TMC3: variants seen among roughly 807,000 people sequenced by gnomAD.
TMC3 encodes the protein transmembrane channel-like protein 3.
In TMC3, 98 loss-of-function variants were observed where a neutral mutation model predicts 110.6. The ratio of observed to expected loss-of-function variants is 0.89; its 90% confidence interval spans 0.75 to 1.05. The LOEUF (loss-of-function observed/expected upper bound fraction) is 1.05. Ranked by LOEUF, TMC3 falls within the 50% of genes least tolerant of loss-of-function variation. TMC3 has a pLI of 0.00. For synonymous variants in TMC3, 489 were observed against 513.1 expected (o/e 0.95, Z 0.63); for missense variants, 1,319 against 1,373.2 (o/e 0.96, Z 0.62).
Position 81,356,593 on chromosome 15 carries a change from TC to T in TMC3, c.744del (p.Met249TrpfsTer44). ...AGACTCGTGCGGGAGTTCTTAGCCA[TC>T]CTGCAAAAGAGGAGCACAAACAGGT... ...FAYSFIILLK[K>X]MAKNSRTSLA... On this transcript the variant is annotated frameshift_variant and splice_region_variant, in exon 8 of 22. Transcript: ENST00000359440. LOFTEE classifies it high-confidence loss of function. 1 of 1,586,868 alleles carries T rather than the reference TC, an allele frequency of 6.3e-7. No homozygotes were observed. The highest frequency in any genetic ancestry group is 1.2e-5 in the South Asian group (1 of 86,320).
intron 2 of TMC3, 95 bp downstream of exon 2, chr15:81,372,496 C>T: frequency 6.7e-7 from 1 of 1,498,904 alleles, no homozygotes; most frequent in Non-Finnish European, 9.2e-7. Flanking sequence ...CCATCTCTCT[C>T]ACATGAGTCT....
chr15:81,373,141 T>C (rs1356624205), intron 1 of TMC3, among the ~76,000 whole-genome samples: 4 of 152,134 alleles, frequency 2.6e-5, no homozygotes, highest in African/African-American at 9.7e-5. Flanking sequence ...ATCAGCTAAT[T>C]TTAGAGGCAG....
intron 12 of TMC3, among the ~76,000 whole-genome samples, 167 bp from the exon 13 acceptor site, chr15:81,345,178 G>A (rs751102156): frequency 7.2e-5 from 11 of 152,146 alleles, no homozygotes; most frequent in Non-Finnish European, 1.3e-4. Context: ...ACTAGAGTTG[G>A]CCCCAATAAG....
intron 11 of TMC3, among the ~76,000 whole-genome samples, chr15:81,347,822 G>A (rs1226433082): frequency 6.6e-6 from 1 of 152,206 alleles, no homozygotes; most frequent in Non-Finnish European, 1.5e-5. Flanking sequence ...ATACTTGCTA[G>A]TGAGGAAGGA....
At chr15:81,365,684 AAG>A (rs200042482) in intron 3 of TMC3, among the ~76,000 whole-genome samples, 21,071 of 103,176 alleles carry the variant, frequency 0.2, 1,986 homozygotes, top group South Asian at 0.44. Flanking sequence ...AAAAAAAAAA[AAG>A]AAAAAGAAAA....
At chr15:81,333,976 G>A (rs1159609994) in intron 21 of TMC3, among the ~76,000 whole-genome samples, 1 of 151,218 alleles carries the variant, frequency 6.6e-6, no homozygotes, top group African/African-American at 2.4e-5. Flanking sequence ...GGTGACAAGA[G>A]CAAAACCCTA....
rs1411877339 is a variant in TMC3, at chr15:81,350,890, G to A, written c.1083+804C>T. The stretch of plus-strand genomic sequence containing the variant: ...CTATTTATGGGAATATTCACACAAC[G>A]GGGGTTGGGGGGGAGAAGATTGTTT... On this transcript the variant is annotated intron_variant, in intron 10 of 21. Transcript: ENST00000359440. Among the ~76,000 whole-genome samples, 4 of 152,180 alleles carry A rather than the reference G, an allele frequency of 2.6e-5. No homozygotes were observed. In the East Asian group the frequency reaches 5.8e-4, roughly 22 times the overall value.
rs974120392 is a variant in TMC3, at chr15:81,332,486, C to T, written c.3236G>A (p.Arg1079Lys). 1 of 1,613,006 alleles carries T rather than the reference C, an allele frequency of 6.2e-7. No homozygotes were observed. The highest frequency in any genetic ancestry group is 8.5e-7 in the Non-Finnish European group (1 of 1,179,586). The change falls in exon 22 of 22, where the codon AGG becomes AAG. Residue 1079 changes from arginine to lysine, a missense_variant. By Grantham distance (26) the Arg-to-Lys change is conservative. Transcript: ENST00000359440. ...RFPRSVGQPS[R>K]RKAKSGQELT... ...CTCCTGCCCCGACTTGGCCTTCCTCCTGCTGGGCTGGCCCACGGACCTCGG... is the reference window on the plus strand; with the variant it reads ...CTCCTGCCCCGACTTGGCCTTCCTCTTGCTGGGCTGGCCCACGGACCTCGG...
chr15:81,372,837 G>A, intron 1 of TMC3, 100 bp from the exon 2 acceptor site: 1 of 1,226,558 alleles, frequency 8.2e-7, no homozygotes, highest in Non-Finnish European at 1.1e-6. Flanking sequence ...CACTGCCCTA[G>A]GGTCATCTGT....
At chr15:81,346,747 C>T (rs1020508481) in intron 11 of TMC3, among the ~76,000 whole-genome samples, 1 of 152,082 alleles carries the variant, frequency 6.6e-6, no homozygotes, top group Non-Finnish European at 1.5e-5. Flanking sequence ...GAAGTGGGGC[C>T]CTAAAACGTG....
At position 81,353,117 on chromosome 15, in the gene TMC3, C is replaced by T. The variant is rs561123767; in HGVS notation, c.936-1276G>A. ...GATTACAGGTGTGTGCCACCACATC[C>T]GGCCTGGTCTTAGTTTTTAACAAAA... On this transcript the variant is annotated intron_variant, in intron 9 of 21. Transcript: ENST00000359440. Among the ~76,000 whole-genome samples the T allele has an allele frequency of 8.5e-5, 13 of 152,072 alleles. 1 individual carries two copies. The South Asian group carries it at 1.7e-3, about 19-fold the overall frequency.
intron 3 of TMC3, among the ~76,000 whole-genome samples, chr15:81,367,200 G>A (rs1894334238): frequency 2.0e-5 from 3 of 151,848 alleles, no homozygotes; most frequent in Admixed American, 6.6e-5. Context: ...ATCCACCAGC[G>A]GCCAAATGAC....
intron 9 of TMC3, among the ~76,000 whole-genome samples, chr15:81,352,518 T>G (rs957403426): frequency 2.6e-5 from 4 of 152,272 alleles, no homozygotes; most frequent in African/African-American, 9.6e-5. Flanking sequence ...ACATATTTGA[T>G]AATGAATTAA....
intron 7 of TMC3, 138 bp downstream of exon 7, chr15:81,358,011 A>G (rs929116294): frequency 7.1e-5 from 78 of 1,096,430 alleles, no homozygotes; most frequent in Non-Finnish European, 9.6e-5. Context: ...GACATTACAC[A>G]TATCATAACA....
Position 81,374,183 on chromosome 15 carries a change from T to C in TMC3, c.-106A>G, listed in dbSNP as rs1894498890. 1.0e-6 allele frequency: 1 copy of C among 952,718 alleles called. No individual in the cohort carries two copies. The highest frequency in any genetic ancestry group is 1.6e-6 in the Non-Finnish European group (1 of 609,512). 59.0% of individuals were successfully genotyped at this position (952,718 alleles called of 1,614,324 possible). A position where few individuals can be genotyped will look rare whatever the true frequency, so the allele number is the denominator to read the frequency against. ...TGAATGGAAGCAGCGGAGTTTGCTCTGCCCGCTAGTTCTCAGGAAGAAGAC... is the reference window on the plus strand; with the variant it reads ...TGAATGGAAGCAGCGGAGTTTGCTCCGCCCGCTAGTTCTCAGGAAGAAGAC... On this transcript the variant is annotated 5_prime_UTR_variant, in exon 1 of 22. Coordinates refer to ENST00000359440, the MANE Select transcript of TMC3 (RefSeq NM_001080532.3).
chr15:81,357,201 A>G (rs1242793601), intron 7 of TMC3, among the ~76,000 whole-genome samples: 1 of 152,036 alleles, frequency 6.6e-6, no homozygotes, highest in Non-Finnish European at 1.5e-5. Flanking sequence ...CGAGTCTTCC[A>G]TGTGGGTCCT....
rs893855728 is a variant in TMC3 at position 81,332,115 on chromosome 15, T to C, written c.*304A>G. 1 of 320,600 alleles carries C rather than the reference T, an allele frequency of 3.1e-6. No individual in the cohort carries two copies. Among genetic ancestry groups the C allele is most frequent in the African/African-American group, 2.1e-5 (1 of 46,802 alleles). 19.9% of individuals were successfully genotyped at this position (320,600 alleles called of 1,614,324 possible). On this transcript the variant is annotated 3_prime_UTR_variant, in exon 22 of 22. Coordinates refer to ENST00000359440, the MANE Select transcript of TMC3 (RefSeq NM_001080532.3). Reference sequence around the variant, plus strand: ...CTTGCCTCAGTCTCTCCTTCTGTCTTGAGCCCCTCTGCCAAATTCTTTCTT... The same window carrying C: ...CTTGCCTCAGTCTCTCCTTCTGTCTCGAGCCCCTCTGCCAAATTCTTTCTT...
At chr15:81,336,472 G>C in intron 20 of TMC3, 137 bp downstream of exon 20, 1 of 758,810 alleles carries the variant, frequency 1.3e-6, no homozygotes, top group South Asian at 1.5e-5. Context: ...GGAGGCTGAG[G>C]CAGGAGAATC....
In TMC3 at chr15:81,334,846, C is replaced by T. The variant is rs774464194; in HGVS notation, c.2333G>A (p.Ser778Asn). 11 of 1,614,060 alleles carry T rather than the reference C, an allele frequency of 6.8e-6. No homozygotes were observed. The highest frequency in any genetic ancestry group is 8.5e-6 in the Non-Finnish European group (10 of 1,179,898). Reference protein sequence around the residue: ...NGNVAHFDSGSSKSGRIETVA... With the variant: ...NGNVAHFDSGNSKSGRIETVA... ...TGTCTCTATCCTGCCACTCTTGCTG[C>T]TCCCTGAGTCAAAATGGGCCACGTT... The change falls in exon 21 of 22, where the codon AGC (serine) becomes AAC (asparagine). Residue 778 changes from serine to asparagine, a missense_variant. Coordinates refer to ENST00000359440, the MANE Select transcript of TMC3 (RefSeq NM_001080532.3).
Sources: gnomAD v4.1 joint callset for allele counts (sites outside exome capture counted in the v4.1 genomes callset) on GRCh38, gnomAD v4.1.1 for gene constraint, MANE v1.5 for transcripts, NCBI Gene and HGNC (gene_info 2026-07-23, HGNC 2026-07-21) for gene names.